The following POU2F1 variants were observed in gnomAD, a reference collection of about 807,000 sequenced individuals.
The protein encoded by POU2F1 is POU class 2 homeobox 1.
In POU2F1, 16 loss-of-function variants were observed where a neutral mutation model predicts 84.9. The ratio of observed to expected loss-of-function variants is 0.19; its 90% CI spans 0.13 to 0.29. The LOEUF (loss-of-function observed/expected upper bound fraction) is 0.29, where lower values mean the gene tolerates loss of function less well. Among genes scored for constraint, POU2F1 ranks in the 10% least tolerant of loss-of-function variants. The pLI is 1.00. For missense variants in POU2F1, 738 were observed against 942.6 expected, an observed-to-expected ratio of 0.78 and a Z score of 2.84; for synonymous variants, 368 against 368.3, an observed-to-expected ratio of 1.00 and a Z score of 0.01.
intron 13 of POU2F1, among the ~76,000 whole-genome samples, chr1:167,406,546 G>A (rs73026301): frequency 0.088 from 13,321 of 152,062 alleles, 1,859 homozygotes; most frequent in African/African-American, 0.3. Context: ...GAAAAAAAAC[G>A]GAAGACAATT....
chr1:167,365,686 T>C, intron 3 of POU2F1, 119 bp downstream of exon 3: 1 of 637,966 alleles, frequency 1.6e-6, no homozygotes, highest in Non-Finnish European at 2.5e-6. Flanking sequence ...CTAGTGCTAA[T>C]TGTGTAATTG....
chr1:167,406,965 T>C (rs1649621141), intron 13 of POU2F1, among the ~76,000 whole-genome samples: 2 of 151,826 alleles, frequency 1.3e-5, no homozygotes, highest in African/African-American at 2.4e-5. Flanking sequence ...GCATCTCTCT[T>C]TCTCTCTGAT....
intron 1 of POU2F1, among the ~76,000 whole-genome samples, chr1:167,325,798 A>T (rs998882361): frequency 1.3e-5 from 2 of 151,712 alleles, no homozygotes; most frequent in African/African-American, 4.8e-5. Context: ...CTGAGGCAGG[A>T]GAATCGCTTG....
chr1:167,374,657 C>G (rs938870183), intron 6 of POU2F1, among the ~76,000 whole-genome samples: 24 of 152,106 alleles, frequency 1.6e-4, no homozygotes, highest in African/African-American at 5.8e-4. Flanking sequence ...AATGTTGCCA[C>G]CCATGTGTGA....
At chr1:167,322,973 C>T (rs925648111) in intron 1 of POU2F1, among the ~76,000 whole-genome samples, 2 of 152,194 alleles carry the variant, frequency 1.3e-5, no homozygotes, top group Non-Finnish European at 2.9e-5. Context: ...CAACCTTCAG[C>T]ATGGGCGTCG....
At chr1:167,372,680 G>A (rs1278242814) in intron 5 of POU2F1, among the ~76,000 whole-genome samples, 1 of 152,110 alleles carries the variant, frequency 6.6e-6, no homozygotes, top group African/African-American at 2.4e-5. Flanking sequence ...TTTTGTACTT[G>A]ATCTTAGCCA....
At chr1:167,237,745 T>C (rs1204181325) in intron 1 of POU2F1, among the ~76,000 whole-genome samples, 1 of 15,500 alleles carries the variant, frequency 6.5e-5, no homozygotes, top group African/African-American at 9.3e-5. Context: ...TATGTGTGTG[T>C]GTATATATAT....
At chr1:167,373,775 G>A (rs754409140) in intron 5 of POU2F1, among the ~76,000 whole-genome samples, 2 of 151,546 alleles carry the variant, frequency 1.3e-5, no homozygotes, top group Non-Finnish European at 2.9e-5. Flanking sequence ...ATCACTTGCT[G>A]TTTGGTTGTG....
chr1:167,226,148 C>G (rs1447557858), intron 1 of POU2F1, among the ~76,000 whole-genome samples: 1 of 152,188 alleles, frequency 6.6e-6, no homozygotes, highest in Non-Finnish European at 1.5e-5. Flanking sequence ...ATGCTAAATG[C>G]CTGAGCAAAT....
chr1:167,386,708 G>A (rs1051634272), intron 8 of POU2F1, among the ~76,000 whole-genome samples: 1 of 152,126 alleles, frequency 6.6e-6, no homozygotes, highest in Admixed American at 6.5e-5. Context: ...AAAAAGAAAC[G>A]TGCTTCTGAT....
Position 167,248,445 on chromosome 1 carries a change from C to T in POU2F1, c.61+27487C>T, listed in dbSNP as rs1650495617. Among the ~76,000 whole-genome samples, 6 of 152,290 alleles carry T rather than the reference C, an allele frequency of 3.9e-5. No individual in the cohort carries two copies. The South Asian group carries it at 1.2e-3, about 32-fold the overall frequency. ...AGGTAGCTCCTATCCTGGAAGAACTCACAGTTCGGTAGGGAAAGGGAGGCA... is the reference window on the plus strand; with the variant it reads ...AGGTAGCTCCTATCCTGGAAGAACTTACAGTTCGGTAGGGAAAGGGAGGCA... On this transcript the variant is annotated intron_variant, in intron 1 of 15. Transcript: ENST00000367866.
chr1:167,258,260 T>TA (rs1651297809), intron 1 of POU2F1, among the ~76,000 whole-genome samples: 1 of 152,166 alleles, frequency 6.6e-6, no homozygotes, highest in African/African-American at 2.4e-5. Context: ...TACTGTTTCT[T>TA]ATAGCTTGTG....
chr1:167,377,529 G>C (rs576183773), intron 7 of POU2F1, among the ~76,000 whole-genome samples: 70 of 152,330 alleles, frequency 4.6e-4, no homozygotes, highest in African/African-American at 1.6e-3. Flanking sequence ...AGAGCTTGCA[G>C]TGAGCCAAGA....
At chr1:167,332,760 C>T (rs949514975) in intron 2 of POU2F1, among the ~76,000 whole-genome samples, 4 of 152,138 alleles carry the variant, frequency 2.6e-5, no homozygotes, top group East Asian at 1.9e-4. Flanking sequence ...ATCAGACAAA[C>T]TATGCAGAAG....
chr1:167,309,141 A>T (rs945532849), intron 1 of POU2F1, among the ~76,000 whole-genome samples: 5 of 151,232 alleles, frequency 3.3e-5, no homozygotes, highest in African/African-American at 9.7e-5. Flanking sequence ...TGTTTTATTA[A>T]TAGTAGAAAG....
At chr1:167,337,853 A>T in intron 2 of POU2F1, 1 of 285,876 alleles carries the variant, frequency 3.5e-6, no homozygotes, top group Non-Finnish European at 6.8e-6. Context: ...GCACACCAAG[A>T]TTTAAGGCAG....
intron 1 of POU2F1, among the ~76,000 whole-genome samples, chr1:167,312,907 A>T (rs1480702550): frequency 6.6e-6 from 1 of 152,246 alleles, no homozygotes; most frequent in African/African-American, 2.4e-5. Flanking sequence ...CCATTGTGTT[A>T]CAGTTGCCTA....
At chr1:167,341,548 G>A (rs1025458543) in intron 2 of POU2F1, among the ~76,000 whole-genome samples, 2 of 152,108 alleles carry the variant, frequency 1.3e-5, no homozygotes, top group Non-Finnish European at 2.9e-5. Context: ...TGGCTCATAT[G>A]TTTGGCTGCC....
chr1:167,329,337 G>A, intron 1 of POU2F1: 1 of 1,543,092 alleles, frequency 6.5e-7, no homozygotes, highest in Non-Finnish European at 8.8e-7. Flanking sequence ...TTTCTTAGAA[G>A]CTTTAATATG....
Sources: allele counts gnomAD v4.1 joint callset (sites outside exome capture counted in the v4.1 genomes callset), GRCh38; gene constraint gnomAD v4.1.1; transcripts MANE v1.5; gene names NCBI Gene and HGNC (gene_info 2026-07-23, HGNC 2026-07-21).